Variants in ZNF236 observed in about 807,000 individuals in gnomAD.
ZNF236 encodes the protein zinc finger protein 236, also known as regulated by glucose.
In ZNF236, 50 loss-of-function variants were observed where a neutral mutation model predicts 191.2. The observed-to-expected ratio is 0.26, with a 90% CI of 0.21 to 0.33. The LOEUF (loss-of-function observed/expected upper bound fraction) is 0.33, where lower values mean the gene tolerates loss of function less well. Ranked by LOEUF, ZNF236 falls within the 10% of genes least tolerant of loss-of-function variation. The pLI is 1.00. For synonymous variants in ZNF236, 907 were observed against 928.8 expected, an observed-to-expected ratio of 0.98 and a Z score of 0.43; for missense variants, 1,754 against 2,374.5, an observed-to-expected ratio of 0.74 and a Z score of 5.43.
chr18:76,898,711 G>C (rs1376989855), intron 10 of ZNF236, among the ~76,000 whole-genome samples: 1 of 152,188 alleles, frequency 6.6e-6, no homozygotes, highest in Middle Eastern at 3.2e-3. Flanking sequence ...ACTTAAGAGA[G>C]AGAGCATCCT....
At chr18:76,852,060 T>G (rs1432026930) in intron 3 of ZNF236, 121 bp downstream of exon 3, 1 of 1,025,630 alleles carries the variant, frequency 9.8e-7, no homozygotes, top group Non-Finnish European at 1.4e-6. Flanking sequence ...TTTCAAGGAG[T>G]GAATTGTCAT....
rs750859479 is a variant in ZNF236, at chr18:76,927,095, C to T, written c.4086C>T (p.Ile1362=). ...TDGSLATLEG[I]QLQLAANLVG... is the part of the protein sequence containing the mutation. ...GGAGCCTGGCTACCCTAGAAGGCAT[C>T]CAGTTACAGTTGGCTGCTAACTTGG... Residue 1362 remains isoleucine, a synonymous_variant, in exon 23 of 31, where the codon ATC becomes ATT. Transcript: ENST00000320610. This position sits in a 1 kb window ranked among gnomAD's most constrained non-coding sequence, Gnocchi z 5.4. The T allele has an allele frequency of 1.9e-6, 3 of 1,613,822 alleles. No homozygotes were observed. The African/African-American group carries it at 4.0e-5, about 22-fold the overall frequency.
In ZNF236 at chr18:76,971,411, ACT is replaced by A. The variant is rs1209732499; in HGVS notation, c.*3076_*3077del. ...GTCAGTGGGAGGCTCATCAAATGCC[ACT>A]CTCCTCTTCCTGACAGTGTTCTGCT... On this transcript the variant is annotated 3_prime_UTR_variant, in exon 31 of 31. Coordinates refer to ENST00000320610, the MANE Select transcript of ZNF236 (RefSeq NM_001306089.2). Among the ~76,000 whole-genome samples the A allele has an allele frequency of 6.6e-6, 1 of 151,944 alleles. No homozygotes were observed. Among genetic ancestry groups the A allele is most frequent in the Non-Finnish European group, 1.5e-5 (1 of 67,996 alleles).
chr18:76,940,157 C>T (rs1193305838), intron 26 of ZNF236, among the ~76,000 whole-genome samples: 1 of 138,898 alleles, frequency 7.2e-6, no homozygotes, highest in Non-Finnish European at 1.5e-5. Context: ...ACACAGTGGG[C>T]TACCCTAGCA....
intron 9 of ZNF236, among the ~76,000 whole-genome samples, chr18:76,884,631 G>T (rs1049785242): frequency 6.6e-6 from 1 of 152,136 alleles, no homozygotes; most frequent in Non-Finnish European, 1.5e-5. Flanking sequence ...GGTCACTGCC[G>T]TGAACTTCGG....
At position 76,864,661 on chromosome 18, in the gene ZNF236, C is replaced by G. The variant is rs1326559878; in HGVS notation, c.364-4024C>G. Among the ~76,000 whole-genome samples the G allele has an allele frequency of 4.7e-5, 7 of 150,028 alleles. No individual in the cohort carries two copies. In the Admixed American group the frequency reaches 4.7e-4, roughly 10 times the overall value. ...CTTAAATCATAGTTGATGGTCGAAG[C>G]AGAAATTATCATCTAGTGTGCTCAG... On this transcript the variant is annotated intron_variant, in intron 3 of 30. Coordinates refer to ENST00000320610, the MANE Select transcript of ZNF236 (RefSeq NM_001306089.2).
chr18:76,896,698 C>T (rs965541048), intron 10 of ZNF236, among the ~76,000 whole-genome samples: 1 of 151,280 alleles, frequency 6.6e-6, no homozygotes, highest in African/African-American at 2.4e-5. Context: ...GCCTGCAGAG[C>T]TGCACTCACA....
rs562981726 is a variant in ZNF236, at chr18:76,835,551, A to G, written c.55+12889A>G. Among the ~76,000 whole-genome samples the G allele has an allele frequency of 4.6e-5, 7 of 152,274 alleles. No homozygotes were observed. The South Asian group carries it at 1.0e-3, about 23-fold the overall frequency. On this transcript the variant is annotated intron_variant, in intron 1 of 30. Transcript: ENST00000320610. ...CATTATGAAATGAGTCATACTTTAT[A>G]TCTAGTAATGACTTTTGCCTTAAAG... is the stretch of plus-strand genomic sequence containing the variant.
chr18:76,849,597 A>C lies in ZNF236; in HGVS notation c.127A>C (p.Ile43Leu), dbSNP rs778262700. 15 of 1,612,244 alleles carry C rather than the reference A, an allele frequency of 9.3e-6. No individual in the cohort carries two copies. The South Asian group carries it at 1.5e-4, about 17-fold the overall frequency. The change falls in exon 2 of 31, where the codon ATC becomes CTC. Residue 43 changes from isoleucine (I) to leucine (L), a missense_variant. Coordinates refer to ENST00000320610, the MANE Select transcript of ZNF236 (RefSeq NM_001306089.2). ...AGTTCCAAACTTCCATAAATGTGAA[A>C]TCTGTCTACTATCTTTTCCAAAAGA... ...YQVPNFHKCE[I>L]CLLSFPKESQ...
chr18:76,837,121 ACCCCCTCCCCCCC>A (rs1272649144), intron 1 of ZNF236, among the ~76,000 whole-genome samples: 1 of 32,694 alleles, frequency 3.1e-5, no homozygotes, highest in African/African-American at 7.3e-5. Context: ...AGTGATCCGC[ACCCCCTCCCCCCC>A]CCCCCGCCCC....
intron 26 of ZNF236, among the ~76,000 whole-genome samples, chr18:76,943,200 G>A (rs1204534590): frequency 1.3e-5 from 2 of 150,576 alleles, no homozygotes; most frequent in African/African-American, 2.4e-5. Flanking sequence ...GTTTTTATAA[G>A]TCCATAATTC....
At chr18:76,936,546 C>A (rs1968005631) in intron 25 of ZNF236, among the ~76,000 whole-genome samples, 1 of 152,188 alleles carries the variant, frequency 6.6e-6, no homozygotes, top group African/African-American at 2.4e-5. Flanking sequence ...AGATGTCATG[C>A]AGGATAAATG....
rs527523945 is a variant in ZNF236, at chr18:76,900,356, T to C, written c.1894+1134T>C. Among the ~76,000 whole-genome samples, 3 of 150,698 alleles carry C rather than the reference T, an allele frequency of 2.0e-5. No homozygotes were observed. The South Asian group carries it at 6.2e-4, about 31-fold the overall frequency. On this transcript the variant is annotated intron_variant, in intron 11 of 30. Transcript: ENST00000320610. ...TCAAGTGCAGTGAAAGATCCTCAAT[T>C]AGACAGGTCAACTTAAACACCTTAA...
intron 3 of ZNF236, among the ~76,000 whole-genome samples, 198 bp from the exon 4 acceptor site, chr18:76,868,487 A>G (rs1184460704): frequency 1.3e-5 from 2 of 152,214 alleles, no homozygotes; most frequent in East Asian, 1.9e-4. Flanking sequence ...CAATAAAGAA[A>G]TGATTTTTGT....
chr18:76,853,696 TAATAAG>T (rs1975950466), intron 3 of ZNF236, among the ~76,000 whole-genome samples: 1 of 151,934 alleles, frequency 6.6e-6, no homozygotes, highest in South Asian at 2.1e-4. Context: ...GGGACTAAGT[TAATAAG>T]AATACATTGT....
chr18:76,874,315 C>A (rs910637296), intron 5 of ZNF236, among the ~76,000 whole-genome samples: 1 of 152,172 alleles, frequency 6.6e-6, no homozygotes. Context: ...TTATTATGAA[C>A]TCAGCTGCTT....
At chr18:76,838,990 T>G (rs1389942918) in intron 1 of ZNF236, among the ~76,000 whole-genome samples, 6 of 152,248 alleles carry the variant, frequency 3.9e-5, no homozygotes, top group African/African-American at 1.4e-4. Flanking sequence ...CCATACAGAT[T>G]GTTTTCTTAC....
intron 1 of ZNF236, among the ~76,000 whole-genome samples, chr18:76,848,018 G>A (rs545377505): frequency 5.3e-5 from 8 of 152,302 alleles, no homozygotes; most frequent in Non-Finnish European, 8.8e-5. Context: ...GCGGAATAAT[G>A]TTTGCAGCTG....
chr18:76,921,025 T>C (rs1301180259), intron 20 of ZNF236, among the ~76,000 whole-genome samples: 1 of 152,168 alleles, frequency 6.6e-6, no homozygotes, highest in Non-Finnish European at 1.5e-5. Context: ...ACCGTGAAGA[T>C]TTTAATATTG....
Sources: allele counts gnomAD v4.1 joint callset (sites outside exome capture counted in the v4.1 genomes callset), GRCh38; gene constraint gnomAD v4.1.1; non-coding constraint Gnocchi (gnomAD v3.1); transcripts MANE v1.5; gene names NCBI Gene and HGNC (gene_info 2026-07-23, HGNC 2026-07-21).